PDLIM5: variants seen among roughly 807,000 people sequenced by gnomAD.
The protein encoded by PDLIM5 is PDZ and LIM domain 5.
PDLIM5 carries 34 observed loss-of-function variants against 64.2 expected under a neutral mutation model. That is an observed-to-expected ratio of 0.53 (90% confidence interval 0.40 to 0.71). PDLIM5 has a LOEUF of 0.71. PDLIM5 is among the 30% of genes least tolerant of loss of function. PDLIM5 has a pLI of 0.00. For missense variants in PDLIM5, 683 were observed against 733.6 expected (o/e 0.93, Z 0.80); for synonymous variants, 253 against 269.1 (o/e 0.94, Z 0.59).
chr4:94,522,434 T>G (rs753332176), intron 2 of PDLIM5, among the ~76,000 whole-genome samples: 6 of 152,104 alleles, frequency 3.9e-5, no homozygotes, highest in Admixed American at 1.3e-4. Flanking sequence ...GGAGTGCAGT[T>G]GCACGATCTC....
At chr4:94,634,816 T>G (rs1740430135) in intron 8 of PDLIM5, among the ~76,000 whole-genome samples, 1 of 152,194 alleles carries the variant, frequency 6.6e-6, no homozygotes, top group Non-Finnish European at 1.5e-5. Context: ...TTTCAAAAAA[T>G]TCACACGTAC....
At chr4:94,646,678 G>T (rs1446889810) in intron 9 of PDLIM5, among the ~76,000 whole-genome samples, 1 of 152,106 alleles carries the variant, frequency 6.6e-6, no homozygotes. Flanking sequence ...GAAAAGAATG[G>T]AAAGCAGTAA....
rs1743132408 is a variant in PDLIM5, at chr4:94,667,491, G to A, written c.*3424G>A. ...TGTATTAGCTATTATAGGTAATCTAGAGATGATTTAAAGTGTATGGTAGGA... is the reference window on the plus strand; with the variant it reads ...TGTATTAGCTATTATAGGTAATCTAAAGATGATTTAAAGTGTATGGTAGGA... On this transcript the variant is annotated 3_prime_UTR_variant, in exon 13 of 13. Transcript: ENST00000317968. The A allele has an allele frequency of 1.3e-5, 2 of 152,162 alleles. No homozygotes were observed. The highest frequency in any genetic ancestry group is 1.3e-4 in the Admixed American group (2 of 15,276). The allele number at this position is 152,162 out of a possible 1,614,324, so 9.4% of individuals were successfully genotyped here.
Position 94,666,201 on chromosome 4 carries a change from C to T in PDLIM5, c.*2134C>T. On this transcript the variant is annotated 3_prime_UTR_variant, in exon 13 of 13. Coordinates refer to ENST00000317968, the MANE Select transcript of PDLIM5 (RefSeq NM_006457.5). ...GTTTTAGGCTACAATATTTGTTTAACCTCCCTAAGAACTTTCAAGGCATCT... is the reference window on the plus strand; with the variant it reads ...GTTTTAGGCTACAATATTTGTTTAATCTCCCTAAGAACTTTCAAGGCATCT... The T allele has an allele frequency of 1.8e-6, 1 of 542,430 alleles. No homozygotes were observed. The highest frequency in any genetic ancestry group is 1.9e-5 in the African/African-American group (1 of 52,068). The allele number at this position is 542,430 out of a possible 1,614,324, so 33.6% of individuals were successfully genotyped here.
At chr4:94,470,012 G>T (rs1370411983) in intron 2 of PDLIM5, among the ~76,000 whole-genome samples, 1 of 130,222 alleles carries the variant, frequency 7.7e-6, no homozygotes, top group African/African-American at 3.0e-5. Context: ...TGTCGCCCAG[G>T]CTGGAGTGCA....
At chr4:94,605,974 T>A (rs1737884163) in intron 7 of PDLIM5, among the ~76,000 whole-genome samples, 1 of 151,848 alleles carries the variant, frequency 6.6e-6, no homozygotes, top group Admixed American at 6.6e-5. Flanking sequence ...AAATATTTAT[T>A]TAAAGGTATT....
At chr4:94,510,479 C>A (rs1265271637) in intron 2 of PDLIM5, among the ~76,000 whole-genome samples, 1 of 152,084 alleles carries the variant, frequency 6.6e-6, no homozygotes, top group African/African-American at 2.4e-5. Context: ...GTTTACCATG[C>A]CCCTTTTTCC....
intron 8 of PDLIM5, among the ~76,000 whole-genome samples, chr4:94,619,331 C>T (rs6825392): frequency 0.054 from 8,011 of 148,164 alleles, 726 homozygotes; most frequent in African/African-American, 0.19. Context: ...CATACTACAG[C>T]AAGTGATCTT....
chr4:94,461,077 A>G (rs11946663), intron 2 of PDLIM5, among the ~76,000 whole-genome samples: 5,163 of 152,310 alleles, frequency 0.034, 268 homozygotes, highest in African/African-American at 0.11. Context: ...GACCAGTTAT[A>G]TCTTTTTCCC....
At chr4:94,658,446 C>G (rs1169469065) in intron 11 of PDLIM5, among the ~76,000 whole-genome samples, 1 of 152,170 alleles carries the variant, frequency 6.6e-6, no homozygotes, top group African/African-American at 2.4e-5. Flanking sequence ...TAATAGTGCC[C>G]TTACTTAGAT....
chr4:94,645,650 T>C (rs1331432530), intron 9 of PDLIM5, among the ~76,000 whole-genome samples: 1 of 152,188 alleles, frequency 6.6e-6, no homozygotes, highest in Non-Finnish European at 1.5e-5. Flanking sequence ...ATATAGCCAG[T>C]GTGCTTTAGA....
At chr4:94,618,756 A>G (rs549356858) in intron 8 of PDLIM5, among the ~76,000 whole-genome samples, 1 of 152,248 alleles carries the variant, frequency 6.6e-6, no homozygotes, top group Non-Finnish European at 1.5e-5. Context: ...AAATAAAGTC[A>G]CATAACCTCT....
At chr4:94,528,459 A>G (rs1730569538) in intron 3 of PDLIM5, among the ~76,000 whole-genome samples, 1 of 152,202 alleles carries the variant, frequency 6.6e-6, no homozygotes, top group Non-Finnish European at 1.5e-5. Flanking sequence ...TATTCCGTGT[A>G]TATTAGTCGT....
intron 3 of PDLIM5, among the ~76,000 whole-genome samples, chr4:94,530,675 A>G (rs1319116281): frequency 6.6e-6 from 1 of 152,048 alleles, no homozygotes; most frequent in East Asian, 1.9e-4. Flanking sequence ...TGAAAGACCT[A>G]GAAGAATTGA....
chr4:94,527,600 C>T (rs2110146240), intron 3 of PDLIM5, among the ~76,000 whole-genome samples: 1 of 152,264 alleles, frequency 6.6e-6, no homozygotes. Context: ...TAAGGGATTC[C>T]TTTAAGGAAA....
intron 5 of PDLIM5, chr4:94,582,769 CTG>C: frequency 7.5e-7 from 1 of 1,339,796 alleles, no homozygotes; most frequent in South Asian, 1.3e-5. Context: ...GTAATTGTCT[CTG>C]TAACTTTCCT....
At chr4:94,596,165 A>G (rs1276162855) in intron 7 of PDLIM5, among the ~76,000 whole-genome samples, 2 of 152,200 alleles carry the variant, frequency 1.3e-5, no homozygotes, top group East Asian at 1.9e-4. Context: ...GCCAAGAAAC[A>G]TAGTTCCTAT....
At chr4:94,659,553 A>T (rs1295584283) in intron 11 of PDLIM5, among the ~76,000 whole-genome samples, 1 of 144,242 alleles carries the variant, frequency 6.9e-6, no homozygotes, top group Admixed American at 7.1e-5. Flanking sequence ...GTTTAGACGG[A>T]ATCTTGCTCT....
In PDLIM5 at chr4:94,666,108, A is replaced by T; in HGVS notation, c.*2041A>T. On this transcript the variant is annotated 3_prime_UTR_variant, in exon 13 of 13. Coordinates refer to ENST00000317968, the MANE Select transcript of PDLIM5 (RefSeq NM_006457.5). ...GATTTTATAGTCGAGACAGAGCCCTAGGTCCTTCCTGCCCCATCACTCACT... is the reference window on the plus strand; with the variant it reads ...GATTTTATAGTCGAGACAGAGCCCTTGGTCCTTCCTGCCCCATCACTCACT... The T allele has an allele frequency of 1.7e-6, 2 of 1,160,436 alleles. No individual in the cohort carries two copies. Among genetic ancestry groups the T allele is most frequent in the Non-Finnish European group, 2.5e-6 (2 of 815,812 alleles). The allele number at this position is 1,160,436 out of a possible 1,614,324, so 71.9% of individuals were successfully genotyped here.
Sources: allele counts gnomAD v4.1 joint callset (sites outside exome capture counted in the v4.1 genomes callset), GRCh38; gene constraint gnomAD v4.1.1; transcripts MANE v1.5; gene names NCBI Gene and HGNC (gene_info 2026-07-23, HGNC 2026-07-21).